The following PRKAB2 variants were observed in gnomAD, a reference collection of about 807,000 sequenced individuals.
PRKAB2 encodes protein kinase AMP-activated non-catalytic subunit beta 2.
In PRKAB2, 18 loss-of-function variants were observed where a neutral mutation model predicts 29.8. The observed-to-expected ratio is 0.60, with a 90% confidence interval of 0.42 to 0.89. PRKAB2 has a LOEUF of 0.89. PRKAB2 is among the 40% of genes least tolerant of loss of function. The pLI is 0.00. For synonymous variants in PRKAB2, 136 were observed against 125.9 expected, an observed-to-expected ratio of 1.08 and a Z score of -0.54; for missense variants, 270 against 344.3, an observed-to-expected ratio of 0.78 and a Z score of 1.71.
At chr1:147,169,629 T>C (rs1268679661) in intron 2 of PRKAB2, among the ~76,000 whole-genome samples, 2 of 152,128 alleles carry the variant, frequency 1.3e-5, no homozygotes, top group Admixed American at 6.5e-5. Context: ...ACAGATAAAA[T>C]AATACTTGAT....
intron 2 of PRKAB2, among the ~76,000 whole-genome samples, chr1:147,170,971 C>T (rs1283309685): frequency 1.3e-5 from 2 of 152,208 alleles, no homozygotes; most frequent in African/African-American, 2.4e-5. Context: ...ACTCTATTCA[C>T]TCTCTAAAGC....
At chr1:147,172,224 C>T in intron 1 of PRKAB2, 57 bp from the exon 2 acceptor site, 2 of 1,447,282 alleles carry the variant, frequency 1.4e-6, no homozygotes, top group Non-Finnish European at 1.8e-6. Context: ...TCAGGGGCGC[C>T]CCCCGGCCCC....
intron 2 of PRKAB2, 139 bp downstream of exon 2, chr1:147,171,850 C>T: frequency 1.7e-6 from 2 of 1,146,404 alleles, no homozygotes; most frequent in East Asian, 2.6e-5. Context: ...CATCCAACAC[C>T]TCTGTCCCCG....
In PRKAB2 at chr1:147,172,065, T is replaced by C. The variant is rs1553914514; in HGVS notation, c.80A>G (p.His27Arg). Residue 27 changes from histidine (H) to arginine (R), a missense_variant, in exon 2 of 8, where the codon CAT becomes CGT. This residue lies in a region of PRKAB2 where 228 missense variants were observed against 255.5 expected (regional missense o/e 0.89). Coordinates refer to ENST00000254101, the MANE Select transcript of PRKAB2 (RefSeq NM_005399.5). ...GATCTTGTGCTCCTTCCCCGGGGCATGGCCGCCTGCGCCCTCGGAGCGTGC... is the reference window on the plus strand; with the variant it reads ...GATCTTGTGCTCCTTCCCCGGGGCACGGCCGCCTGCGCCCTCGGAGCGTGC... ...KAARSEGAGGHAPGKEHKIMV... is the reference protein window; with the variant it reads ...KAARSEGAGGRAPGKEHKIMV... 1.3e-6 allele frequency: 2 copies of C among 1,577,868 alleles called. No individual in the cohort carries two copies. The highest frequency in any genetic ancestry group is 1.7e-6 in the Non-Finnish European group (2 of 1,162,548).
intron 1 of PRKAB2, 87 bp from the exon 2 acceptor site, chr1:147,172,254 G>C (rs112202593): frequency 7.3e-7 from 1 of 1,375,800 alleles, no homozygotes; most frequent in South Asian, 1.5e-5. Context: ...CCTCGGGACA[G>C]GGCAAGGGAT....
At chr1:147,166,388 C>T (rs587603266) in intron 5 of PRKAB2, 110 bp downstream of exon 5, 4 of 1,231,284 alleles carry the variant, frequency 3.2e-6, no homozygotes, top group Non-Finnish European at 4.4e-6. Context: ...TCTCCTCCCC[C>T]CAACCCCCTG....
At position 147,155,743 on chromosome 1, in the gene PRKAB2, A is replaced by G. The variant is rs1177049796; in HGVS notation, c.*3822T>C. On this transcript the variant is annotated 3_prime_UTR_variant, in exon 8 of 8. Transcript: ENST00000254101. ...CAACTAATATTGGAACTAATAAAAA[A>G]TTAATTTGTAACAAAGCTTATTCAC... The G allele has an allele frequency of 6.6e-6, 1 of 152,618 alleles. No homozygotes were observed. Among genetic ancestry groups the G allele is most frequent in the Non-Finnish European group, 1.5e-5 (1 of 68,028 alleles). 9.5% of individuals were successfully genotyped at this position (152,618 alleles called of 1,614,324 possible).
chr1:147,169,096 C>A (rs1409084263), intron 2 of PRKAB2, among the ~76,000 whole-genome samples: 1 of 152,062 alleles, frequency 6.6e-6, no homozygotes, highest in South Asian at 2.1e-4. Flanking sequence ...AGATTGCTGA[C>A]CCCTATTTTA....
Position 147,159,532 on chromosome 1 carries a change from C to T in PRKAB2, c.*33G>A. The T allele has an allele frequency of 6.3e-7, 1 of 1,581,454 alleles. No individual in the cohort carries two copies. Among genetic ancestry groups the T allele is most frequent in the Non-Finnish European group, 8.7e-7 (1 of 1,151,470 alleles). Reference sequence around the variant, plus strand: ...GTCCAGAAATGCAAGGGAGATGCTTCTCCTGAATCCTTAGAGGCAAGAAGG... The same window carrying T: ...GTCCAGAAATGCAAGGGAGATGCTTTTCCTGAATCCTTAGAGGCAAGAAGG... On this transcript the variant is annotated 3_prime_UTR_variant, in exon 8 of 8. Transcript: ENST00000254101.
At chr1:147,163,584 G>A (rs1225466545) in intron 5 of PRKAB2, among the ~76,000 whole-genome samples, 2 of 152,142 alleles carry the variant, frequency 1.3e-5, no homozygotes, top group Non-Finnish European at 2.9e-5. Context: ...AGTGAAAGAC[G>A]CCAGTCACAA....
intron 5 of PRKAB2, among the ~76,000 whole-genome samples, chr1:147,165,970 A>T (rs2101624839): frequency 6.6e-6 from 1 of 152,232 alleles, no homozygotes; most frequent in East Asian, 1.9e-4. Flanking sequence ...GCTAATTTTT[A>T]AAAATTTTTT....
intron 6 of PRKAB2, 58 bp from the exon 7 acceptor site, chr1:147,161,838 C>A: frequency 1.5e-6 from 2 of 1,358,546 alleles, no homozygotes; most frequent in South Asian, 2.6e-5. Context: ...AATGCACAGA[C>A]AAACCAAACA....
At chr1:147,169,863 G>A (rs1403778291) in intron 2 of PRKAB2, among the ~76,000 whole-genome samples, 1 of 152,200 alleles carries the variant, frequency 6.6e-6, no homozygotes, top group Non-Finnish European at 1.5e-5. Context: ...GAGAACCACT[G>A]AACTAGTCCA....
At chr1:147,165,093 T>G (rs1446258610) in intron 5 of PRKAB2, among the ~76,000 whole-genome samples, 2 of 152,136 alleles carry the variant, frequency 1.3e-5, no homozygotes, top group African/African-American at 4.8e-5. Flanking sequence ...TGGCGAGATC[T>G]CAGCTCACTG....
chr1:147,160,797 T>C (rs1417434397), intron 7 of PRKAB2: 1 of 152,208 alleles, frequency 6.6e-6, no homozygotes, highest in Non-Finnish European at 1.5e-5. Context: ...TGGTACTTAC[T>C]GGCAATTTGA....
chr1:147,172,070 G>A lies in PRKAB2; in HGVS notation c.75C>T (p.Gly25=). 2 of 1,574,732 alleles carry A rather than the reference G, an allele frequency of 1.3e-6. No homozygotes were observed. The highest frequency in any genetic ancestry group is 1.7e-6 in the Non-Finnish European group (2 of 1,160,862). The change falls in exon 2 of 8, where the codon GGC becomes GGT. Residue 25 remains glycine (G), a synonymous_variant. Coordinates refer to ENST00000254101, the MANE Select transcript of PRKAB2 (RefSeq NM_005399.5). ...TGTGCTCCTTCCCCGGGGCATGGCCGCCTGCGCCCTCGGAGCGTGCAGCCT... is the reference window on the plus strand; with the variant it reads ...TGTGCTCCTTCCCCGGGGCATGGCCACCTGCGCCCTCGGAGCGTGCAGCCT... ...GAKAARSEGA[G]GHAPGKEHKI...
Position 147,159,588 on chromosome 1 carries a change from T to C in PRKAB2, c.796A>G (p.Thr266Ala), listed in dbSNP as rs782734240. Residue 266 changes from threonine (T) to alanine (A), a missense_variant, in exon 8 of 8, where the codon ACT becomes GCT. Transcript: ENST00000254101. ...CTTCAAATGGGCTTGTATAGCAGAG[T>C]AGTAACATACTTCTTCTTGTAGCGA... ...THRYKKKYVTTLLYKPI is the reference protein window; with the variant it reads ...THRYKKKYVTALLYKPI 9.9e-6 allele frequency: 16 copies of C among 1,613,274 alleles called. No individual in the cohort carries two copies. The South Asian group carries it at 1.8e-4, about 18-fold the overall frequency.
At chr1:147,163,708 C>T (rs1654087658) in intron 5 of PRKAB2, among the ~76,000 whole-genome samples, 1 of 152,020 alleles carries the variant, frequency 6.6e-6, no homozygotes, top group Non-Finnish European at 1.5e-5. Flanking sequence ...TGGGATGTGA[C>T]TGCTAATGGG....
At position 147,162,599 on chromosome 1, in the gene PRKAB2, G is replaced by T. The variant is rs1388129916; in HGVS notation, c.539-26C>A. The T allele has an allele frequency of 7.6e-6, 12 of 1,582,406 alleles. No individual in the cohort carries two copies. The African/African-American group carries it at 1.5e-4, about 20-fold the overall frequency. On this transcript the variant is annotated intron_variant, in intron 5 of 7. Coordinates refer to ENST00000254101, the MANE Select transcript of PRKAB2 (RefSeq NM_005399.5). ...CTGAAAGATATTTATACAAATATGA[G>T]AAAGAGTTGGAGAATTAGCAAGAAT...
Sources: allele counts gnomAD v4.1 joint callset (sites outside exome capture counted in the v4.1 genomes callset), GRCh38; gene constraint gnomAD v4.1.1; regional missense constraint gnomAD v4.1.1; transcripts MANE v1.5; gene names NCBI Gene and HGNC (gene_info 2026-07-23, HGNC 2026-07-21).